GSDMB: variants seen among roughly 807,000 people sequenced by gnomAD.
GSDMB encodes gasdermin B, also known as gasdermin-B.
In GSDMB, 32 loss-of-function variants were observed where a neutral mutation model predicts 42.9. That is an observed-to-expected ratio of 0.75 (90% confidence interval 0.56 to 1.00). The LOEUF (loss-of-function observed/expected upper bound fraction) is 1.00, where lower values mean the gene tolerates loss of function less well. Ranked by LOEUF, GSDMB falls within the 50% of genes least tolerant of loss-of-function variation. GSDMB has a pLI of 0.00. For missense variants in GSDMB, 468 were observed against 498.5 expected (o/e 0.94, Z 0.58); for synonymous variants, 175 against 193.7 (o/e 0.90, Z 0.80).
intron 7 of GSDMB, chr17:39,906,590 A>G (rs2063508825): frequency 2.4e-5 from 31 of 1,313,464 alleles, no homozygotes; most frequent in Non-Finnish European, 2.9e-5. Context: ...AGGCCACACT[A>G]GAAGTAATTA....
chr17:39,918,613 G>A lies in GSDMB; in HGVS notation c.-94C>T, dbSNP rs1382257584. 2 of 150,602 alleles carry A rather than the reference G, an allele frequency of 1.3e-5. No individual in the cohort carries two copies. The highest frequency in any genetic ancestry group is 1.3e-4 in the Admixed American group (2 of 15,106). The allele number at this position is 150,602 out of a possible 1,614,324, so 9.3% of individuals were successfully genotyped here. A position where few individuals can be genotyped will look rare whatever the true frequency, so the allele number is the denominator to read the frequency against. On this transcript the variant is annotated 5_prime_UTR_variant, in exon 1 of 11. Coordinates refer to ENST00000418519, the MANE Select transcript of GSDMB (RefSeq NM_001165958.2). ...GATCTCTGCACAGTTCCTGGCCTCTGAATCTCAGGAAGCTAAAATAATGAA... is the reference window on the plus strand; with the variant it reads ...GATCTCTGCACAGTTCCTGGCCTCTAAATCTCAGGAAGCTAAAATAATGAA...
chr17:39,905,108 C>A, intron 10 of GSDMB, 144 bp from the exon 11 acceptor site: 1 of 717,500 alleles, frequency 1.4e-6, no homozygotes, highest in South Asian at 1.7e-5. Flanking sequence ...GCCCGGAGAG[C>A]TTCATACTCT....
chr17:39,917,335 G>A lies in GSDMB; in HGVS notation c.-14-5C>T. On this transcript the variant is annotated splice_region_variant and splice_polypyrimidine_tract_variant and intron_variant, in intron 1 of 10. Coordinates refer to ENST00000418519, the MANE Select transcript of GSDMB (RefSeq NM_001165958.2). Reference sequence around the variant, plus strand: ...TGAACATTGCGCCTGGACCAACTCAGAAACAGAAGCCAATTTCAGTTTTTG... The same window carrying A: ...TGAACATTGCGCCTGGACCAACTCAAAAACAGAAGCCAATTTCAGTTTTTG... 6.5e-7 allele frequency: 1 copy of A among 1,527,934 alleles called. No individual in the cohort carries two copies. The highest frequency in any genetic ancestry group is 1.1e-5 in the South Asian group (1 of 89,458). The allele number at this position is 1,527,934 out of a possible 1,614,324, so 94.6% of individuals were successfully genotyped here.
rs1393744756 is a variant in GSDMB at position 39,905,452 on chromosome 17, C to T, written c.1072G>A (p.Gly358Arg). 2 of 1,609,042 alleles carry T rather than the reference C, an allele frequency of 1.2e-6. No individual in the cohort carries two copies. Among genetic ancestry groups the T allele is most frequent in the Non-Finnish European group, 1.7e-6 (2 of 1,177,822 alleles). ...TGGTCCTTCAACAGAGGAAGGGTCC[C>T]CTTCTCCAGGGCCTCAGCCACAAAC... ...QQFVAEALEK[G>R]TLPLLKDQVK... Residue 358 changes from glycine (G) to arginine (R), a missense_variant, in exon 10 of 11, where the codon GGG (glycine) becomes AGG (arginine). By Grantham distance (125) the Gly-to-Arg change is moderately radical (BLOSUM62 -2). Coordinates refer to ENST00000418519, the MANE Select transcript of GSDMB (RefSeq NM_001165958.2).
intron 3 of GSDMB, among the ~76,000 whole-genome samples, chr17:39,910,620 C>A (rs1406144900): frequency 9.2e-5 from 14 of 152,222 alleles, no homozygotes; most frequent in Admixed American, 2.0e-4. Context: ...AAGACACCCT[C>A]TTCTCTGACA....
At position 39,906,181 on chromosome 17, in the gene GSDMB, CT is replaced by C. The variant is rs770384987; in HGVS notation, c.817del (p.Arg273GlufsTer5). 1 of 1,614,142 alleles carries C rather than the reference CT, an allele frequency of 6.2e-7. No homozygotes were observed. Among genetic ancestry groups the C allele is most frequent in the Non-Finnish European group, 8.5e-7 (1 of 1,179,994 alleles). On this transcript the variant is annotated frameshift_variant, in exon 8 of 11. Coordinates refer to ENST00000418519, the MANE Select transcript of GSDMB (RefSeq NM_001165958.2). LOFTEE classifies it high-confidence loss of function. ...AGCGAGGGAGTTTAGCACATCTTTT[CT>C]CTTCTCCTCTGTCAGGTCCTTGAGG... ...SVLKDLTEEK[R>X]KDVLNSLAKC...
chr17:39,906,666 T>C, intron 7 of GSDMB: 1 of 1,245,504 alleles, frequency 8.0e-7, no homozygotes, highest in Non-Finnish European at 1.0e-6. Flanking sequence ...TGAGGAGTTA[T>C]TACAAATCCT....
In GSDMB at chr17:39,905,866, G is replaced by T; in HGVS notation, c.1008C>A (p.Asp336Glu). ...CCTCACCTAGCAGGGCATCCAGGAA[G>T]TCCAGAATGGCTTTTGCACGCGCTT... ...LVEARAKAIL[D>E]FLDALLELSE... The change falls in exon 9 of 11, where the codon GAC becomes GAA. Residue 336 changes from aspartate to glutamate, a missense_variant. Coordinates refer to ENST00000418519, the MANE Select transcript of GSDMB (RefSeq NM_001165958.2). The T allele has an allele frequency of 1.2e-6, 2 of 1,614,010 alleles. No homozygotes were observed. Among genetic ancestry groups the T allele is most frequent in the Non-Finnish European group, 1.7e-6 (2 of 1,179,950 alleles).
rs1215365647 is a variant in GSDMB at position 39,909,844 on chromosome 17, T to A, written c.488A>T (p.Glu163Val). 6.2e-7 allele frequency: 1 copy of A among 1,613,878 alleles called. No individual in the cohort carries two copies. The highest frequency in any genetic ancestry group is 8.5e-7 in the Non-Finnish European group (1 of 1,179,740). ...TTTCAGGGTTTCCTCCTTTACCGTC[T>A]CCAGAGTTTCTGTCACCAGATACAG... The part of the protein sequence containing the change: ...ENLYLVTETL[E>V]TVKEETLKSD... Residue 163 changes from glutamate (E) to valine (V), a missense_variant, in exon 4 of 11, where the codon GAG (glutamate) becomes GTG (valine). Transcript: ENST00000418519.
At chr17:39,912,575 C>T in intron 2 of GSDMB, 78 bp from the exon 3 acceptor site, 1 of 1,156,992 alleles carries the variant, frequency 8.6e-7, no homozygotes, top group South Asian at 1.3e-5. Flanking sequence ...CCTGGGGCAG[C>T]CCCATCCTGG....
At position 39,906,159 on chromosome 17, in the gene GSDMB, G is replaced by A. The variant is rs762234050; in HGVS notation, c.840C>T (p.Leu280=). 3.1e-6 allele frequency: 5 copies of A among 1,613,978 alleles called. No individual in the cohort carries two copies. In the South Asian group the frequency reaches 4.4e-5, roughly 14 times the overall value. ...EEKRKDVLNS[L]AKCLGKEDIR... is the part of the protein sequence containing the mutation. ...TATCCTCCTTGCCGAGGCACTTAGC[G>A]AGGGAGTTTAGCACATCTTTTCTCT... The change falls in exon 8 of 11, where the codon CTC becomes CTT. Residue 280 remains leucine (L), a synonymous_variant. Coordinates refer to ENST00000418519, the MANE Select transcript of GSDMB (RefSeq NM_001165958.2).
Position 39,905,413 on chromosome 17 carries a change from C to T in GSDMB, c.1098+13G>A. ...TCCACTATGACCATGGCCCTCAGCC[C>T]AGGCTGTCTCACCTGGTCCTTCAAC... On this transcript the variant is annotated intron_variant, in intron 10 of 10. Transcript: ENST00000418519. The T allele has an allele frequency of 6.3e-7, 1 of 1,582,722 alleles. No homozygotes were observed. Among genetic ancestry groups the T allele is most frequent in the Middle Eastern group, 2.0e-4 (1 of 5,012 alleles).
chr17:39,905,615 G>T, intron 9 of GSDMB, 119 bp from the exon 10 acceptor site: 1 of 947,400 alleles, frequency 1.1e-6, no homozygotes, highest in East Asian at 2.5e-5. Context: ...GGGAGTGCTA[G>T]ATGAGACTTA....
chr17:39,906,905 T>A, intron 7 of GSDMB, 56 bp downstream of exon 7: 2 of 1,612,690 alleles, frequency 1.2e-6, no homozygotes, highest in Non-Finnish European at 8.5e-7. Context: ...TTGAGCCACA[T>A]GGACTCAGGG....
rs776028728 is a variant in GSDMB at position 39,904,833 on chromosome 17, C to A, written c.1230G>T (p.Gly410=). The change falls in exon 11 of 11, where the codon GGG becomes GGT. Residue 410 remains glycine, a synonymous_variant. Coordinates refer to ENST00000418519, the MANE Select transcript of GSDMB (RefSeq NM_001165958.2). ...GTAGTTAGGAAGAGACAGAGGTAGG[C>A]CCCTCAGCCAGCTCCAGCAGGATAG... The part of the protein sequence containing the change: ...VVSILLELAE[G]PTSVSS 6.8e-6 allele frequency: 11 copies of A among 1,613,940 alleles called. No individual in the cohort carries two copies. The highest frequency in any genetic ancestry group is 8.5e-6 in the Non-Finnish European group (10 of 1,179,906).
intron 9 of GSDMB, 112 bp downstream of exon 9, chr17:39,905,735 C>T (rs760042737): frequency 4.0e-5 from 49 of 1,211,910 alleles, no homozygotes; most frequent in Admixed American, 2.6e-4. Flanking sequence ...AAGGAGTGCC[C>T]CCCATAAACT....
intron 2 of GSDMB, 27 bp downstream of exon 2, chr17:39,917,055 G>T (rs2063724179): frequency 6.7e-7 from 1 of 1,494,140 alleles, no homozygotes; most frequent in Non-Finnish European, 9.3e-7. Context: ...CTCCTGGCTG[G>T]CCACCTGTCA....
intron 2 of GSDMB, among the ~76,000 whole-genome samples, chr17:39,914,530 G>A (rs1214480259): frequency 1.3e-5 from 2 of 152,166 alleles, no homozygotes; most frequent in Middle Eastern, 6.3e-3. Context: ...GGGAGGCCAA[G>A]GCGGGCGGAT....
intron 4 of GSDMB, 96 bp from the exon 5 acceptor site, chr17:39,909,138 T>C: frequency 1.4e-6 from 1 of 719,588 alleles, no homozygotes; most frequent in Non-Finnish European, 2.4e-6. Context: ...GTCATTTGTA[T>C]CCCCATTTTA....
Sources: allele counts gnomAD v4.1 joint callset (sites outside exome capture counted in the v4.1 genomes callset), GRCh38; gene constraint gnomAD v4.1.1; transcripts MANE v1.5; gene names NCBI Gene and HGNC (gene_info 2026-07-23, HGNC 2026-07-21).